Variants in RGS6 observed in about 807,000 individuals in gnomAD.
RGS6 encodes the protein regulator of G-protein signaling 6.
In RGS6, 30 loss-of-function variants were observed where a neutral mutation model predicts 78.5. The ratio of observed to expected loss-of-function variants is 0.38; its 90% CI spans 0.29 to 0.52. RGS6 has a LOEUF of 0.52. Ranked by LOEUF, RGS6 falls within the 20% of genes least tolerant of loss-of-function variation. RGS6 has a pLI of 0.85. For missense variants in RGS6, 495 were observed against 609.7 expected (o/e 0.81, Z 1.98); for synonymous variants, 206 against 206.0 (o/e 1.00, Z 0.00).
intron 2 of RGS6, among the ~76,000 whole-genome samples, chr14:72,050,331 T>G (rs1251147480): frequency 6.6e-6 from 1 of 152,238 alleles, no homozygotes; most frequent in Non-Finnish European, 1.5e-5. Context: ...ATTTTATTAG[T>G]TTTCATTTTT....
intron 17 of RGS6, among the ~76,000 whole-genome samples, chr14:72,558,119 T>C (rs961453962): frequency 1.3e-5 from 2 of 152,210 alleles, no homozygotes; most frequent in African/African-American, 2.4e-5. Flanking sequence ...GGCTCCTTCA[T>C]GTCCCTTTCC....
At chr14:72,587,572 C>T in the RGS6 span, among the ~76,000 whole-genome samples, 1 of 152,106 alleles carries the variant, frequency 6.6e-6, no homozygotes, top group Admixed American at 6.5e-5. Context: ...TTAATATACC[C>T]ACTTACAAGG....
At chr14:72,405,021 C>A (rs1473914492) in intron 3 of RGS6, among the ~76,000 whole-genome samples, 3 of 152,112 alleles carry the variant, frequency 2.0e-5, no homozygotes, top group Non-Finnish European at 2.9e-5. Context: ...GAGGGCAGAG[C>A]TGAATGAGAC....
the RGS6 span, among the ~76,000 whole-genome samples, chr14:72,589,691 G>C: frequency 6.6e-6 from 1 of 152,222 alleles, no homozygotes; most frequent in Non-Finnish European, 1.5e-5. Flanking sequence ...CCAGATTTTT[G>C]TGAAAGGATA....
At chr14:72,600,456 C>T in the RGS6 span, among the ~76,000 whole-genome samples, 1 of 152,012 alleles carries the variant, frequency 6.6e-6, no homozygotes, top group African/African-American at 2.4e-5. Context: ...GGAAGTCACG[C>T]CCCCTCTCTA....
At chr14:72,453,682 C>G (rs2095555874) in intron 3 of RGS6, among the ~76,000 whole-genome samples, 1 of 140,452 alleles carries the variant, frequency 7.1e-6, no homozygotes, top group Non-Finnish European at 1.5e-5. Flanking sequence ...TAAGGTAATA[C>G]TAGATACCAA....
chr14:72,478,058 C>T (rs1035699641), intron 11 of RGS6, among the ~76,000 whole-genome samples: 11 of 151,998 alleles, frequency 7.2e-5, no homozygotes, highest in African/African-American at 2.4e-4. Context: ...GGAGATGAGA[C>T]AAAGGCTAAA....
At chr14:72,127,379 A>G (rs2096221231) in intron 2 of RGS6, among the ~76,000 whole-genome samples, 1 of 152,184 alleles carries the variant, frequency 6.6e-6, no homozygotes, top group Non-Finnish European at 1.5e-5. Flanking sequence ...TTAAATTATG[A>G]GATTTATATT....
chr14:72,268,364 T>A (rs1211953826), intron 2 of RGS6, among the ~76,000 whole-genome samples: 4 of 152,196 alleles, frequency 2.6e-5, no homozygotes, highest in Non-Finnish European at 5.9e-5. Context: ...TTCCTTCATT[T>A]CATTTCATTT....
the RGS6 span, among the ~76,000 whole-genome samples, chr14:72,625,967 C>CAGT: frequency 6.6e-6 from 1 of 152,158 alleles, no homozygotes; most frequent in African/African-American, 2.4e-5. Context: ...AACTAGAGTA[C>CAGT]AGTATTTGTG....
At chr14:71,981,941 C>G in intron 2 of RGS6, among the ~76,000 whole-genome samples, 1 of 151,614 alleles carries the variant, frequency 6.6e-6, no homozygotes, top group Non-Finnish European at 1.5e-5. Context: ...CAGCGAGACT[C>G]CGTGGGCGTA....
At chr14:72,620,872 G>A in the RGS6 span, among the ~76,000 whole-genome samples, 1 of 152,234 alleles carries the variant, frequency 6.6e-6, no homozygotes, top group Non-Finnish European at 1.5e-5. Flanking sequence ...TGGGCGCTGT[G>A]GCGCATGCCT....
intron 2 of RGS6, among the ~76,000 whole-genome samples, chr14:72,308,530 A>C (rs1306736838): frequency 2.0e-5 from 3 of 152,230 alleles, no homozygotes; most frequent in Non-Finnish European, 4.4e-5. Flanking sequence ...TTGACAAATC[A>C]TCTAGTCATC....
At chr14:72,556,134 A>AATT (rs1374509845) in intron 17 of RGS6, among the ~76,000 whole-genome samples, 2 of 152,214 alleles carry the variant, frequency 1.3e-5, no homozygotes, top group Non-Finnish European at 2.9e-5. Flanking sequence ...GGTAGTTGCC[A>AATT]ATTATATTAG....
At chr14:72,435,956 G>A (rs1442133208) in intron 3 of RGS6, among the ~76,000 whole-genome samples, 1 of 152,094 alleles carries the variant, frequency 6.6e-6, no homozygotes, top group East Asian at 1.9e-4. Context: ...ACATCGGGGG[G>A]ACATTATTCT....
intron 2 of RGS6, among the ~76,000 whole-genome samples, chr14:72,134,048 A>G (rs1190776867): frequency 6.6e-6 from 1 of 152,168 alleles, no homozygotes; most frequent in Admixed American, 6.5e-5. Flanking sequence ...CAAATTCAAA[A>G]TGAAGCCTAC....
chr14:71,869,514 A>T, the RGS6 span, among the ~76,000 whole-genome samples: 1 of 152,236 alleles, frequency 6.6e-6, no homozygotes, highest in Non-Finnish European at 1.5e-5. Flanking sequence ...CTGTTGCTAC[A>T]GTCACTGCTG....
At chr14:72,173,592 C>T (rs1408676055) in intron 2 of RGS6, among the ~76,000 whole-genome samples, 1 of 152,180 alleles carries the variant, frequency 6.6e-6, no homozygotes, top group Non-Finnish European at 1.5e-5. Flanking sequence ...CCATGACACA[C>T]ATTTCTTCCG....
intron 1 of RGS6, among the ~76,000 whole-genome samples, chr14:71,934,976 T>A (rs191540851): frequency 6.6e-5 from 10 of 152,350 alleles, no homozygotes; most frequent in Admixed American, 5.2e-4. Flanking sequence ...ATACCGGGAT[T>A]AATTTTTCCT....
Sources: gnomAD v4.1 joint callset for allele counts (sites outside exome capture counted in the v4.1 genomes callset) on GRCh38, gnomAD v4.1.1 for gene constraint, MANE v1.5 for transcripts, NCBI Gene and HGNC (gene_info 2026-07-23, HGNC 2026-07-21) for gene names.